ACMSD: variants seen among roughly 807,000 people sequenced by gnomAD.
ACMSD encodes 2-amino-3-carboxymuconate-6-semialdehyde decarboxylase.
Under a neutral mutation model 45.9 loss-of-function variants are expected in ACMSD, and 37 were observed. That is an observed-to-expected ratio of 0.81 (90% CI 0.62 to 1.06). ACMSD has a LOEUF of 1.06. ACMSD is among the 50% of genes least tolerant of loss of function. The probability of loss-of-function intolerance (pLI) is 0.00; values close to 1 mark genes in which losing one functional copy is unlikely to be tolerated. For missense variants in ACMSD, 434 were observed against 420.9 expected, an observed-to-expected ratio of 1.03 and a Z score of -0.27; for synonymous variants, 138 against 148.8, an observed-to-expected ratio of 0.93 and a Z score of 0.53.
chr2:134,848,976 G>A (rs935664811), intron 2 of ACMSD, among the ~76,000 whole-genome samples: 4 of 152,176 alleles, frequency 2.6e-5, no homozygotes, highest in Non-Finnish European at 4.4e-5. Context: ...CATTCAAAAT[G>A]CTAGTTCCTA....
intron 8 of ACMSD, among the ~76,000 whole-genome samples, chr2:134,880,559 T>TA (rs1688983244): frequency 6.6e-6 from 1 of 152,172 alleles, no homozygotes; most frequent in Admixed American, 6.5e-5. Flanking sequence ...GTTGGTCTCT[T>TA]AATTTCCAAA....
At chr2:134,856,699 C>A (rs907935495) in intron 2 of ACMSD, among the ~76,000 whole-genome samples, 7 of 152,044 alleles carry the variant, frequency 4.6e-5, no homozygotes, top group South Asian at 2.1e-4. Context: ...CCATTGAGTT[C>A]TTTGAGTTCC....
At position 134,863,005 on chromosome 2, in the gene ACMSD, G is replaced by A. The variant is rs576436848; in HGVS notation, c.250-390G>A. On this transcript the variant is annotated intron_variant, in intron 4 of 9. Transcript: ENST00000356140. ...GCCCTCAATGGGGCATGACAAGGAG[G>A]TGCCTTGATGGTGGCCTGGGGCCCT... 6.1e-6 allele frequency: 6 copies of A among 985,442 alleles called. No individual in the cohort carries two copies. In the South Asian group the frequency reaches 2.3e-4, roughly 39 times the overall value. 61.0% of individuals were successfully genotyped at this position (985,442 alleles called of 1,614,324 possible).
At chr2:134,855,518 C>A (rs1687541837) in intron 2 of ACMSD, among the ~76,000 whole-genome samples, 1 of 152,248 alleles carries the variant, frequency 6.6e-6, no homozygotes, top group African/African-American at 2.4e-5. Context: ...CAGAAGAAGG[C>A]TAGGCCCTGC....
intron 4 of ACMSD, among the ~76,000 whole-genome samples, 182 bp from the exon 5 acceptor site, chr2:134,863,213 C>G (rs1687927274): frequency 1.3e-5 from 2 of 152,196 alleles, no homozygotes; most frequent in African/African-American, 4.8e-5. Flanking sequence ...CTTTGCTTTA[C>G]AAAGATTGGC....
At chr2:134,872,365 A>G in intron 7 of ACMSD, 104 bp from the exon 8 acceptor site, 1 of 1,274,024 alleles carries the variant, frequency 7.8e-7, no homozygotes, top group Non-Finnish European at 1.1e-6. Flanking sequence ...CTCTGTAATT[A>G]CTGTTAATCA....
chr2:134,896,352 G>C (rs1021368059), intron 8 of ACMSD, among the ~76,000 whole-genome samples: 1 of 152,026 alleles, frequency 6.6e-6, no homozygotes, highest in African/African-American at 2.4e-5. Flanking sequence ...ACAATACCAA[G>C]GAAGTAAAAA....
Position 134,863,475 on chromosome 2 carries a change from G to T in ACMSD, c.330G>T (p.Arg110Ser), listed in dbSNP as rs770044573. Residue 110 changes from arginine to serine, a missense_variant, in exon 5 of 10, where the codon AGG becomes AGT. Transcript: ENST00000356140. ...LASTVVSYPR[R>S]FVGLGTLPMQ... ...GCACCGTTGTGAGCTACCCCAGGAG[G>T]TTCGTGGGTCTGGGGACGTTGCCCA... 5 of 1,614,124 alleles carry T rather than the reference G, an allele frequency of 3.1e-6. 1 individual carries two copies. The Admixed American group carries it at 8.3e-5, about 27-fold the overall frequency.
chr2:134,889,326 C>T lies in ACMSD; in HGVS notation c.850-9015C>T, dbSNP rs146063385. On this transcript the variant is annotated intron_variant, in intron 8 of 9. Coordinates refer to ENST00000356140, the MANE Select transcript of ACMSD (RefSeq NM_138326.3). ...CATCAGTAGCAGTTATCACTTACAG[C>T]GCCCAGATCTTGGTTTCTAGTTACC... Among the ~76,000 whole-genome samples, 725 of 152,212 alleles carry T rather than the reference C, an allele frequency of 4.8e-3. 5 individuals are homozygous for T. Among genetic ancestry groups the T allele is most frequent in the African/African-American group, 0.017 (693 of 41,536 alleles).
At chr2:134,888,437 C>T (rs1044112043) in intron 8 of ACMSD, among the ~76,000 whole-genome samples, 4 of 152,098 alleles carry the variant, frequency 2.6e-5, no homozygotes, top group African/African-American at 4.8e-5. Context: ...TACTCCTATC[C>T]TATCACCCAA....
At chr2:134,891,590 T>G (rs569986216) in intron 8 of ACMSD, among the ~76,000 whole-genome samples, 5 of 152,048 alleles carry the variant, frequency 3.3e-5, no homozygotes, top group Non-Finnish European at 5.9e-5. Context: ...AAATAACATA[T>G]TGGTGAGGAA....
intron 8 of ACMSD, among the ~76,000 whole-genome samples, chr2:134,883,035 A>G (rs1181588838): frequency 6.6e-6 from 1 of 152,204 alleles, no homozygotes; most frequent in African/African-American, 2.4e-5. Flanking sequence ...TTTACTGCCT[A>G]ATAAGGAAAG....
intron 1 of ACMSD, among the ~76,000 whole-genome samples, chr2:134,841,690 G>A (rs890869232): frequency 1.3e-5 from 2 of 152,194 alleles, no homozygotes; most frequent in African/African-American, 4.8e-5. Context: ...CAATGAGGAT[G>A]ATACAGTTTC....
intron 8 of ACMSD, among the ~76,000 whole-genome samples, chr2:134,880,874 G>A (rs921136404): frequency 6.6e-6 from 1 of 152,166 alleles, no homozygotes; most frequent in Non-Finnish European, 1.5e-5. Context: ...CTATGCCGAT[G>A]AAGTGTACAT....
intron 2 of ACMSD, among the ~76,000 whole-genome samples, chr2:134,858,787 T>C (rs1687707425): frequency 6.6e-6 from 1 of 151,986 alleles, no homozygotes; most frequent in South Asian, 2.1e-4. Context: ...TTGACACTAG[T>C]GGGCCCTGCT....
intron 6 of ACMSD, among the ~76,000 whole-genome samples, chr2:134,868,457 T>TC (rs1405314984): frequency 6.4e-4 from 96 of 149,084 alleles, no homozygotes; most frequent in Admixed American, 1.6e-3. Context: ...TTTTCTTTTT[T>TC]TTTTTTTTTT....
At chr2:134,896,501 T>G (rs1369029394) in intron 8 of ACMSD, among the ~76,000 whole-genome samples, 1 of 152,198 alleles carries the variant, frequency 6.6e-6, no homozygotes, top group African/African-American at 2.4e-5. Flanking sequence ...GGGATCTTAG[T>G]AGACATTTCT....
intron 8 of ACMSD, among the ~76,000 whole-genome samples, chr2:134,874,748 A>G (rs1158136735): frequency 1.3e-5 from 2 of 152,208 alleles, no homozygotes; most frequent in African/African-American, 4.8e-5. Flanking sequence ...TAATCACTGT[A>G]TATTACTTGA....
intron 8 of ACMSD, among the ~76,000 whole-genome samples, chr2:134,887,410 T>G (rs1457459324): frequency 2.0e-5 from 3 of 152,228 alleles, no homozygotes; most frequent in African/African-American, 7.2e-5. Flanking sequence ...TTCTTTTTCT[T>G]TCTTTCTTTC....
Sources: allele counts gnomAD v4.1 joint callset (sites outside exome capture counted in the v4.1 genomes callset), GRCh38; gene constraint gnomAD v4.1.1; transcripts MANE v1.5; gene names NCBI Gene and HGNC (gene_info 2026-07-23, HGNC 2026-07-21).